The following RBM25 variants were observed in gnomAD, a reference collection of about 807,000 sequenced individuals.
RBM25 encodes RNA binding motif protein 25.
RBM25 carries 19 observed loss-of-function variants against 120.7 expected under a neutral mutation model. The observed-to-expected ratio is 0.16, with a 90% CI of 0.11 to 0.23. The LOEUF is 0.23. Among genes scored for constraint, RBM25 ranks in the 10% least tolerant of loss-of-function variants. The probability of loss-of-function intolerance (pLI) is 1.00; values close to 1 mark genes in which losing one functional copy is unlikely to be tolerated. For missense variants in RBM25, 605 were observed against 1,041.5 expected (o/e 0.58, Z 5.77); for synonymous variants, 390 against 326.7 (o/e 1.19, Z -2.09).
At chr14:73,094,837 G>GTGTC (rs1555345420) in intron 6 of RBM25, among the ~76,000 whole-genome samples, 1 of 131,470 alleles carries the variant, frequency 7.6e-6, no homozygotes, top group Non-Finnish European at 1.8e-5. Flanking sequence ...GTGTGTGTGT[G>GTGTC]TGTGTCTGTG....
chr14:73,110,243 C>T (rs1367337901), intron 14 of RBM25, among the ~76,000 whole-genome samples: 1 of 148,914 alleles, frequency 6.7e-6, no homozygotes, highest in African/African-American at 2.5e-5. Flanking sequence ...AGTGCAGTAG[C>T]GGAATCTCTG....
At chr14:73,102,129 A>T (rs2140454093) in intron 9 of RBM25, 2 of 152,360 alleles carry the variant, frequency 1.3e-5, no homozygotes, top group South Asian at 4.1e-4. Flanking sequence ...ATGACTGAGA[A>T]AAGAAAAATG....
chr14:73,078,567 ATAT>A (rs1257281261), intron 4 of RBM25, among the ~76,000 whole-genome samples: 1 of 152,146 alleles, frequency 6.6e-6, no homozygotes, highest in Non-Finnish European at 1.5e-5. Context: ...AATGGCCATA[ATAT>A]TAATAGTTGT....
intron 4 of RBM25, among the ~76,000 whole-genome samples, chr14:73,078,792 C>T (rs1215247383): frequency 1.3e-5 from 2 of 151,998 alleles, no homozygotes; most frequent in Non-Finnish European, 2.9e-5. Context: ...TTTTTAGAGA[C>T]AAGGTTTCAT....
chr14:73,109,961 T>A (rs1322510974), intron 14 of RBM25, among the ~76,000 whole-genome samples: 1 of 151,974 alleles, frequency 6.6e-6, no homozygotes, highest in Non-Finnish European at 1.5e-5. Context: ...CTTGGCTCAC[T>A]GCAGCCTCCA....
At chr14:73,118,840 C>G (rs1030818002) in intron 18 of RBM25, among the ~76,000 whole-genome samples, 1 of 152,066 alleles carries the variant, frequency 6.6e-6, no homozygotes, top group African/African-American at 2.4e-5. Flanking sequence ...ATGATCTTGG[C>G]TCACTGCAAC....
chr14:73,068,825 C>T (rs112946203), intron 1 of RBM25, among the ~76,000 whole-genome samples: 10,606 of 152,018 alleles, frequency 0.07, 533 homozygotes, highest in South Asian at 0.19. Flanking sequence ...CCACCCACCT[C>T]GGCCTCCCAA....
At chr14:73,105,024 A>G (rs1273934009) in intron 10 of RBM25, among the ~76,000 whole-genome samples, 1 of 64,880 alleles carries the variant, frequency 1.5e-5, no homozygotes, top group African/African-American at 5.4e-5. Flanking sequence ...CATATTTCAT[A>G]TATACATATT....
At chr14:73,095,337 C>G (rs71426967) in intron 6 of RBM25, among the ~76,000 whole-genome samples, 152,179 of 152,182 alleles carry the variant, frequency 1, 76,088 homozygotes, top group Middle Eastern at 1. Context: ...TGGGTGTGGT[C>G]GTCACGCCTG....
intron 16 of RBM25, 35 bp from the exon 17 acceptor site, chr14:73,112,117 A>C (rs558796670): frequency 1.3e-6 from 2 of 1,537,042 alleles, no homozygotes; most frequent in Non-Finnish European, 1.8e-6. Flanking sequence ...GCAAGTTACA[A>C]TTCTTTAATT....
At chr14:73,088,279 G>A in intron 6 of RBM25, 118 bp downstream of exon 6, 1 of 1,279,128 alleles carries the variant, frequency 7.8e-7, no homozygotes. Context: ...TGTGCTTGTG[G>A]CTTAATGTAG....
At position 73,111,698 on chromosome 14, in the gene RBM25, A is replaced by G; in HGVS notation, c.2188A>G (p.Asn730Asp). ...DDKNATKGTV[N>D]TEEKRKHIKS... ...TAAAAATGCAACCAAAGGCACTGTAAACACTGAAGAAAAGCGTAAACACAT... is the reference window on the plus strand; with the variant it reads ...TAAAAATGCAACCAAAGGCACTGTAGACACTGAAGAAAAGCGTAAACACAT... The change falls in exon 16 of 19, where the codon AAC (asparagine) becomes GAC (aspartate). Residue 730 changes from asparagine (N) to aspartate (D), a missense_variant. Transcript: ENST00000261973. The G allele has an allele frequency of 6.2e-7, 1 of 1,614,166 alleles. No homozygotes were observed. The highest frequency in any genetic ancestry group is 8.5e-7 in the Non-Finnish European group (1 of 1,180,022).
chr14:73,065,337 G>A (rs929766010), intron 1 of RBM25, among the ~76,000 whole-genome samples: 3 of 151,776 alleles, frequency 2.0e-5, no homozygotes, highest in African/African-American at 4.8e-5. Context: ...CATGTTGGCC[G>A]GGCTGGTCTC....
intron 3 of RBM25, among the ~76,000 whole-genome samples, chr14:73,076,718 TAAAAG>T (rs67752516): frequency 0.14 from 21,269 of 152,168 alleles, 1,758 homozygotes; most frequent in South Asian, 0.24. Flanking sequence ...TCTGATCTCT[TAAAAG>T]AACATAGGAA....
Position 73,121,062 on chromosome 14 carries a change from C to G in RBM25, c.*1257C>G, listed in dbSNP as rs1218049504. The G allele has an allele frequency of 6.6e-6, 1 of 152,250 alleles. No homozygotes were observed. Among genetic ancestry groups the G allele is most frequent in the Admixed American group, 6.5e-5 (1 of 15,272 alleles). The allele number at this position is 152,250 out of a possible 1,614,324, so 9.4% of individuals were successfully genotyped here. A position where few individuals can be genotyped will look rare whatever the true frequency, so the allele number is the denominator to read the frequency against. ...GAATTTCACCAGGGAGTAAAATTAC[C>G]TGAAAACGTAAGAAGTTTTAAACAG... On this transcript the variant is annotated 3_prime_UTR_variant, in exon 19 of 19. Coordinates refer to ENST00000261973, the MANE Select transcript of RBM25 (RefSeq NM_021239.3).
In RBM25 at chr14:73,119,866, G is replaced by T; in HGVS notation, c.*61G>T. The T allele has an allele frequency of 6.5e-7, 1 of 1,536,978 alleles. No homozygotes were observed. On this transcript the variant is annotated 3_prime_UTR_variant, in exon 19 of 19. Coordinates refer to ENST00000261973, the MANE Select transcript of RBM25 (RefSeq NM_021239.3). Reference sequence around the variant, plus strand: ...TCTTTGCCACCCTTTTAAGGACTTTGAATTTTTCTTTGTCTTTGAAGACAT... The same window carrying T: ...TCTTTGCCACCCTTTTAAGGACTTTTAATTTTTCTTTGTCTTTGAAGACAT...
chr14:73,103,905 GTC>G lies in RBM25; in HGVS notation c.1154+470_1154+471del, dbSNP rs72346306. Among the ~76,000 whole-genome samples the G allele has an allele frequency of 3.9e-3, 356 of 91,720 alleles. 3 individuals carry two copies. Among genetic ancestry groups the G allele is most frequent in the Non-Finnish European group, 6.1e-3 (274 of 45,070 alleles). The allele number at this position is 91,720 out of a possible 152,430, so 60.2% of individuals were successfully genotyped here. On this transcript the variant is annotated intron_variant, in intron 10 of 18. Coordinates refer to ENST00000261973, the MANE Select transcript of RBM25 (RefSeq NM_021239.3). ...TCTTTGTCTGTCTGTCTGTCTGTCT[GTC>G]TCTCTCTCTCTCTCTCTCTCTCTCT...
At chr14:73,093,312 T>G (rs1895859027) in intron 6 of RBM25, among the ~76,000 whole-genome samples, 1 of 152,234 alleles carries the variant, frequency 6.6e-6, no homozygotes, top group African/African-American at 2.4e-5. Flanking sequence ...TACTTTGGAT[T>G]CTAGACCTCA....
chr14:73,079,941 C>T (rs1895518921), intron 4 of RBM25, among the ~76,000 whole-genome samples: 1 of 150,544 alleles, frequency 6.6e-6, no homozygotes, highest in Admixed American at 6.6e-5. Flanking sequence ...AGCACTTACT[C>T]TGCTCTAATG....
Sources: allele counts gnomAD v4.1 joint callset (sites outside exome capture counted in the v4.1 genomes callset), GRCh38; gene constraint gnomAD v4.1.1; transcripts MANE v1.5; gene names NCBI Gene and HGNC (gene_info 2026-07-23, HGNC 2026-07-21).